Variants in PDZRN3 observed in about 807,000 individuals in gnomAD.
PDZRN3 encodes E3 ubiquitin-protein ligase PDZRN3.
PDZRN3 carries 38 observed loss-of-function variants against 85.7 expected under a neutral mutation model. The ratio of observed to expected loss-of-function variants is 0.44; its 90% CI spans 0.34 to 0.58. The LOEUF is 0.58. PDZRN3 is among the 20% of genes least tolerant of loss of function. The pLI is 0.01. For synonymous variants in PDZRN3, 759 were observed against 638.0 expected (o/e 1.19, Z -2.86); for missense variants, 1,629 against 1,506.4 (o/e 1.08, Z -1.35).
intron 3 of PDZRN3, among the ~76,000 whole-genome samples, chr3:73,465,741 C>T (rs75204364): frequency 0.028 from 4,269 of 152,244 alleles, 194 homozygotes; most frequent in African/African-American, 0.095. Context: ...AGGGGTCAGC[C>T]TAAAAAAATT....
chr3:73,428,484 T>A (rs1265920156), intron 3 of PDZRN3, among the ~76,000 whole-genome samples: 1 of 152,196 alleles, frequency 6.6e-6, no homozygotes, highest in Non-Finnish European at 1.5e-5. Flanking sequence ...GTGATGAGAC[T>A]TCCTAGTTTA....
intron 3 of PDZRN3, among the ~76,000 whole-genome samples, chr3:73,593,021 C>A (rs765083188): frequency 2.6e-5 from 4 of 151,922 alleles, no homozygotes; most frequent in African/African-American, 9.7e-5. Flanking sequence ...CCCTAACACA[C>A]CTTCCAAATT....
At chr3:73,581,696 C>T (rs190662322) in intron 3 of PDZRN3, among the ~76,000 whole-genome samples, 332 of 151,894 alleles carry the variant, frequency 2.2e-3, no homozygotes, top group Non-Finnish European at 3.7e-3. Context: ...TTTATTAAAA[C>T]CAGTAAGTTA....
At chr3:73,554,657 A>G (rs1701648088) in intron 3 of PDZRN3, among the ~76,000 whole-genome samples, 1 of 152,222 alleles carries the variant, frequency 6.6e-6, no homozygotes, top group Admixed American at 6.5e-5. Flanking sequence ...AAAGGTCTCC[A>G]AGACATAAAG....
chr3:73,462,702 T>C (rs1007639198), intron 3 of PDZRN3, among the ~76,000 whole-genome samples: 1 of 152,176 alleles, frequency 6.6e-6, no homozygotes, highest in East Asian at 1.9e-4. Flanking sequence ...AATACCTCTC[T>C]GCATGTGGTG....
At chr3:73,613,515 C>A (rs1702714854) in intron 1 of PDZRN3, among the ~76,000 whole-genome samples, 1 of 152,016 alleles carries the variant, frequency 6.6e-6, no homozygotes. Flanking sequence ...TTGCTACACA[C>A]TACAGACTGC....
At chr3:73,560,350 C>T (rs968030826) in intron 3 of PDZRN3, among the ~76,000 whole-genome samples, 2 of 151,886 alleles carry the variant, frequency 1.3e-5, no homozygotes, top group African/African-American at 2.4e-5. Context: ...AGAGAGTGAG[C>T]GGAATAAGGG....
intron 3 of PDZRN3, among the ~76,000 whole-genome samples, chr3:73,527,345 A>G (rs1217472052): frequency 1.3e-5 from 2 of 152,294 alleles, no homozygotes; most frequent in African/African-American, 2.4e-5. Context: ...GCCACAAGTT[A>G]TACTTCATCC....
chr3:73,479,809 A>G (rs1264994904), intron 3 of PDZRN3, among the ~76,000 whole-genome samples: 1 of 152,190 alleles, frequency 6.6e-6, no homozygotes, highest in African/African-American at 2.4e-5. Context: ...GTTCACTATA[A>G]AAGAAAAATA....
intron 3 of PDZRN3, among the ~76,000 whole-genome samples, chr3:73,491,179 A>G (rs955764357): frequency 6.6e-6 from 1 of 152,184 alleles, no homozygotes; most frequent in African/African-American, 2.4e-5. Flanking sequence ...CTCATATTTT[A>G]AATCGGTGAA....
At chr3:73,447,547 C>T (rs980858497) in intron 3 of PDZRN3, among the ~76,000 whole-genome samples, 3 of 152,142 alleles carry the variant, frequency 2.0e-5, no homozygotes, top group Non-Finnish European at 4.4e-5. Flanking sequence ...CCTCCATAGC[C>T]GAACACACAC....
At chr3:73,573,991 A>G (rs1575745818) in intron 3 of PDZRN3, among the ~76,000 whole-genome samples, 1 of 152,346 alleles carries the variant, frequency 6.6e-6, no homozygotes, top group South Asian at 2.1e-4. Flanking sequence ...GCAAACTTCT[A>G]GCTGCCTGGA....
At chr3:73,590,735 T>A (rs891918305) in intron 3 of PDZRN3, among the ~76,000 whole-genome samples, 1 of 152,328 alleles carries the variant, frequency 6.6e-6, no homozygotes, top group South Asian at 2.1e-4. Flanking sequence ...GCAATTCTAT[T>A]CCAAGTCCCC....
At chr3:73,416,513 A>G (rs888167219) in intron 3 of PDZRN3, among the ~76,000 whole-genome samples, 8 of 151,826 alleles carry the variant, frequency 5.3e-5, no homozygotes, top group Non-Finnish European at 1.2e-4. Flanking sequence ...TCACAAGTAC[A>G]TGTGGATGTT....
rs536923433 is a variant in PDZRN3 at position 73,568,600 on chromosome 3, T to C, written c.918+33754A>G. ...AAAACTACCTTCCAAATATCACGCATGTGAGACAGACCGATGTCAGCAGGG... is the reference window on the plus strand; with the variant it reads ...AAAACTACCTTCCAAATATCACGCACGTGAGACAGACCGATGTCAGCAGGG... On this transcript the variant is annotated intron_variant, in intron 3 of 9. Coordinates refer to ENST00000263666, the MANE Select transcript of PDZRN3 (RefSeq NM_015009.3). Among the ~76,000 whole-genome samples the C allele has an allele frequency of 5.9e-5, 9 of 152,276 alleles. No homozygotes were observed. In the East Asian group the frequency reaches 1.5e-3, roughly 26 times the overall value.
chr3:73,389,883 AAC>A lies in PDZRN3; in HGVS notation c.1354-7_1354-6del, dbSNP rs758857607. ...TGCAATGCTGTTAGGGTCAATCTGA[AAC>A]ACACATGGACCATCTCAGCGCAAAC... On this transcript the variant is annotated splice_region_variant and splice_polypyrimidine_tract_variant and intron_variant, in intron 6 of 9. Coordinates refer to ENST00000263666, the MANE Select transcript of PDZRN3 (RefSeq NM_015009.3). 1 of 1,611,004 alleles carries A rather than the reference AAC, an allele frequency of 6.2e-7. No individual in the cohort carries two copies. The highest frequency in any genetic ancestry group is 1.1e-5 in the South Asian group (1 of 91,040).
rs149503329 is a variant in PDZRN3, at chr3:73,433,534, A to G, written c.919-29139T>C. ...AAGGCTGCGTCTTTCAGAACACAAA[A>G]TATGCACAAAAACACACATAAAAAT... On this transcript the variant is annotated intron_variant, in intron 3 of 9. Coordinates refer to ENST00000263666, the MANE Select transcript of PDZRN3 (RefSeq NM_015009.3). 1,587 of 717,496 alleles carry G rather than the reference A, an allele frequency of 2.2e-3. 4 individuals carry two copies. The highest frequency in any genetic ancestry group is 4.3e-3 in the Middle Eastern group (18 of 4,144). 44.4% of individuals were successfully genotyped at this position (717,496 alleles called of 1,614,324 possible).
chr3:73,459,924 G>A (rs1406857757), intron 3 of PDZRN3, among the ~76,000 whole-genome samples: 2 of 152,166 alleles, frequency 1.3e-5, no homozygotes, highest in African/African-American at 2.4e-5. Flanking sequence ...TCTGCCTGTG[G>A]AAGTCCATGC....
intron 3 of PDZRN3, among the ~76,000 whole-genome samples, chr3:73,465,415 A>G (rs1455653743): frequency 3.3e-5 from 5 of 152,220 alleles, no homozygotes; most frequent in African/African-American, 9.6e-5. Context: ...CTGAACATTC[A>G]CTGAGCTACC....
Sources: gnomAD v4.1 joint callset for allele counts (sites outside exome capture counted in the v4.1 genomes callset) on GRCh38, gnomAD v4.1.1 for gene constraint, MANE v1.5 for transcripts, NCBI Gene and HGNC (gene_info 2026-07-23, HGNC 2026-07-21) for gene names.